The following GLCCI1 variants were observed in gnomAD, a reference collection of about 807,000 sequenced individuals.
GLCCI1 encodes the protein glucocorticoid-induced transcript 1 protein.
GLCCI1 carries 24 observed loss-of-function variants against 52.2 expected under a neutral mutation model. The ratio of observed to expected loss-of-function variants is 0.46; its 90% CI spans 0.33 to 0.65. The LOEUF is 0.65. Ranked by LOEUF, GLCCI1 falls within the 30% of genes least tolerant of loss-of-function variation. The probability of loss-of-function intolerance (pLI) is 0.02; values close to 1 mark genes in which losing one functional copy is unlikely to be tolerated. For synonymous variants in GLCCI1, 310 were observed against 276.5 expected (o/e 1.12, Z -1.20); for missense variants, 704 against 701.5 (o/e 1.00, Z -0.04).
intron 2 of GLCCI1, among the ~76,000 whole-genome samples, chr7:8,008,657 C>G (rs935286722): frequency 6.6e-6 from 1 of 152,108 alleles, no homozygotes; most frequent in Non-Finnish European, 1.5e-5. Flanking sequence ...GGAACTTACC[C>G]AAGTGTACAC....
At chr7:7,981,405 C>G (rs1240380284) in intron 1 of GLCCI1, among the ~76,000 whole-genome samples, 1 of 152,080 alleles carries the variant, frequency 6.6e-6, no homozygotes, top group Non-Finnish European at 1.5e-5. Context: ...TCACTGCAGC[C>G]TCTGCCTCCT....
At chr7:7,992,188 A>T (rs191799894) in intron 1 of GLCCI1, among the ~76,000 whole-genome samples, 113 of 151,142 alleles carry the variant, frequency 7.5e-4, no homozygotes, top group African/African-American at 2.6e-3. Flanking sequence ...GTTATCAGAC[A>T]TTCTGGAAAT....
chr7:7,996,665 C>G (rs536132983), intron 1 of GLCCI1, among the ~76,000 whole-genome samples: 1 of 152,272 alleles, frequency 6.6e-6, no homozygotes, highest in South Asian at 2.1e-4. Flanking sequence ...TGCCTGACTG[C>G]ATTTTTTGGT....
intron 1 of GLCCI1, among the ~76,000 whole-genome samples, chr7:7,972,747 T>G (rs1780378199): frequency 6.6e-6 from 1 of 152,090 alleles, no homozygotes; most frequent in Non-Finnish European, 1.5e-5. Flanking sequence ...ATAGGAATAG[T>G]CAATTTTAAT....
chr7:7,976,921 C>CA (rs35442365), intron 1 of GLCCI1, among the ~76,000 whole-genome samples: 15,421 of 118,576 alleles, frequency 0.13, 1,003 homozygotes, highest in African/African-American at 0.21. Flanking sequence ...GGTGTTGTCT[C>CA]AAAAAAAAAA....
At chr7:7,992,043 T>TTTCTTTCTTTC (rs1780847499) in intron 1 of GLCCI1, among the ~76,000 whole-genome samples, 4 of 128,714 alleles carry the variant, frequency 3.1e-5, no homozygotes, top group Non-Finnish European at 3.3e-5. Context: ...AGAATTTATT[T>TTTCTTTCTTTC]TTTCTTTCTT....
Position 8,073,924 on chromosome 7 carries a change from T to G in GLCCI1, c.1177+2793T>G, listed in dbSNP as rs568896503. On this transcript the variant is annotated intron_variant, in intron 6 of 7. Transcript: ENST00000223145. The stretch of plus-strand genomic sequence containing the variant: ...CTCCCTGGAAAACTGTGTAGCTCTC[T>G]GTTATGCAATACAAGGTTTCTAGTT... Among the ~76,000 whole-genome samples, 44 of 152,254 alleles carry G rather than the reference T, an allele frequency of 2.9e-4. 1 individual carries two copies. In the South Asian group the frequency reaches 8.9e-3, roughly 31 times the overall value.
intron 6 of GLCCI1, among the ~76,000 whole-genome samples, chr7:8,082,540 A>C (rs980861945): frequency 6.6e-6 from 1 of 152,186 alleles, no homozygotes; most frequent in Non-Finnish European, 1.5e-5. Flanking sequence ...TTATAGTCTC[A>C]AAATTTTTTT....
chr7:8,006,678 C>T (rs1271970296), intron 2 of GLCCI1, among the ~76,000 whole-genome samples: 1 of 152,110 alleles, frequency 6.6e-6, no homozygotes, highest in Non-Finnish European at 1.5e-5. Flanking sequence ...CCCCCACTAC[C>T]CAATGACAAA....
At chr7:7,983,369 A>C (rs887977381) in intron 1 of GLCCI1, among the ~76,000 whole-genome samples, 9 of 152,174 alleles carry the variant, frequency 5.9e-5, no homozygotes, top group African/African-American at 2.2e-4. Context: ...ATAAATGTAT[A>C]GTGCAGTAGC....
intron 3 of GLCCI1, among the ~76,000 whole-genome samples, chr7:8,052,847 C>T (rs1395876231): frequency 6.6e-6 from 1 of 152,146 alleles, no homozygotes; most frequent in East Asian, 1.9e-4. Flanking sequence ...AATCCTGCTT[C>T]CTTTCTCACT....
chr7:8,073,304 A>G (rs1431525355), intron 6 of GLCCI1, among the ~76,000 whole-genome samples: 2 of 152,148 alleles, frequency 1.3e-5, no homozygotes, highest in Non-Finnish European at 2.9e-5. Context: ...AATATCAATT[A>G]TTTAATACAC....
At chr7:8,024,943 A>C (rs1005298405) in intron 3 of GLCCI1, 1 of 152,244 alleles carries the variant, frequency 6.6e-6, no homozygotes, top group African/African-American at 2.4e-5. Context: ...CAGAGAAATC[A>C]CTTGCTATGG....
At chr7:8,034,255 A>G (rs1399745960) in intron 3 of GLCCI1, among the ~76,000 whole-genome samples, 1 of 152,204 alleles carries the variant, frequency 6.6e-6, no homozygotes, top group African/African-American at 2.4e-5. Context: ...ATCAGCTTTC[A>G]GTGAATCATA....
intron 2 of GLCCI1, among the ~76,000 whole-genome samples, chr7:8,011,054 G>A (rs1422474952): frequency 1.3e-5 from 2 of 151,966 alleles, no homozygotes; most frequent in East Asian, 1.9e-4. Flanking sequence ...GGGAGGTGGA[G>A]GTTGCAGTGA....
intron 1 of GLCCI1, among the ~76,000 whole-genome samples, chr7:7,998,179 T>G (rs201176591): frequency 4.2e-5 from 1 of 23,730 alleles, no homozygotes; most frequent in African/African-American, 3.6e-4. Flanking sequence ...TTTTTTTGTT[T>G]TTTTTTTTTT....
At chr7:8,045,766 T>C (rs1221853827) in intron 3 of GLCCI1, among the ~76,000 whole-genome samples, 1 of 152,146 alleles carries the variant, frequency 6.6e-6, no homozygotes. Context: ...ATGTTAGACC[T>C]ACTCTGGAGC....
chr7:8,035,019 T>C (rs1031330756), intron 3 of GLCCI1, among the ~76,000 whole-genome samples: 2 of 152,100 alleles, frequency 1.3e-5, no homozygotes, highest in Admixed American at 6.6e-5. Context: ...AAGGACTGAG[T>C]CCTGCCCAAG....
At chr7:8,084,001 T>C (rs866964303) in intron 6 of GLCCI1, among the ~76,000 whole-genome samples, 49 of 152,328 alleles carry the variant, frequency 3.2e-4, no homozygotes, top group Middle Eastern at 6.8e-3. Flanking sequence ...CAATAGATCA[T>C]GTGCTTAGTA....
Sources: allele counts gnomAD v4.1 joint callset (sites outside exome capture counted in the v4.1 genomes callset), GRCh38; gene constraint gnomAD v4.1.1; transcripts MANE v1.5; gene names NCBI Gene and HGNC (gene_info 2026-07-23, HGNC 2026-07-21).